The following RIT1 variants were observed in gnomAD, a reference collection of about 807,000 sequenced individuals.
RIT1 encodes Ras like without CAAX 1, also known as GTP-binding protein Rit1.
A neutral mutation model predicts 25.6 loss-of-function variants in RIT1; 6 were observed. That is an observed-to-expected ratio of 0.23 (90% CI 0.13 to 0.46). The LOEUF (loss-of-function observed/expected upper bound fraction) is 0.46, where lower values mean the gene tolerates loss of function less well. Ranked by LOEUF, RIT1 falls within the 20% of genes least tolerant of loss-of-function variation. RIT1 has a pLI of 0.99. For missense variants in RIT1, 219 were observed against 284.4 expected, an observed-to-expected ratio of 0.77 and a Z score of 1.65; for synonymous variants, 81 against 94.1, an observed-to-expected ratio of 0.86 and a Z score of 0.80.
chr1:155,898,518 A>AAAAATATATATATAT lies in RIT1; in HGVS notation c.*1869_*1870insATATATATATATTTT, dbSNP rs1557956996. The AAAAATATATATATAT allele has an allele frequency of 2.5e-5, 1 of 40,756 alleles. No individual in the cohort carries two copies. The highest frequency in any genetic ancestry group is 7.6e-5 in the African/African-American group (1 of 13,100). The allele number at this position is 40,756 out of a possible 1,614,324, so 2.5% of individuals were successfully genotyped here. A position where few individuals can be genotyped will look rare whatever the true frequency, so the allele number is the denominator to read the frequency against. On this transcript the variant is annotated 3_prime_UTR_variant, in exon 6 of 6. Coordinates refer to ENST00000368323, the MANE Select transcript of RIT1 (RefSeq NM_006912.6). ...AAAAAAAAAAAAAAAAAAAAAAAAA[A>AAAAATATATATATAT]ATATATATATATATATATATATATA...
chr1:155,904,939 T>A (rs972828278), intron 3 of RIT1, 135 bp from the exon 4 acceptor site: 1 of 624,284 alleles, frequency 1.6e-6, no homozygotes, highest in Non-Finnish European at 2.9e-6. Context: ...GCATGCTAAA[T>A]CCACTGAGAT....
intron 3 of RIT1, among the ~76,000 whole-genome samples, chr1:155,905,882 C>G (rs1446450416): frequency 6.6e-6 from 1 of 151,508 alleles, no homozygotes; most frequent in Admixed American, 6.6e-5. Flanking sequence ...GACTGGAGTG[C>G]AGTGGCATGA....
intron 3 of RIT1, among the ~76,000 whole-genome samples, chr1:155,905,423 C>T (rs1476661334): frequency 6.6e-6 from 1 of 151,918 alleles, no homozygotes; most frequent in Non-Finnish European, 1.5e-5. Flanking sequence ...TAGTCTCGAA[C>T]TCCTGGGTTG....
At chr1:155,901,380 GCCTGTAATC>G (rs1673308765) in intron 5 of RIT1, among the ~76,000 whole-genome samples, 2 of 152,068 alleles carry the variant, frequency 1.3e-5, no homozygotes, top group South Asian at 4.2e-4. Context: ...GGTGGCTCAC[GCCTGTAATC>G]CCAACACTTT....
In RIT1 at chr1:155,910,796, A is replaced by C; in HGVS notation, c.-35T>G. The C allele has an allele frequency of 6.2e-7, 1 of 1,613,636 alleles. No homozygotes were observed. Among genetic ancestry groups the C allele is most frequent in the South Asian group, 1.1e-5 (1 of 91,064 alleles). On this transcript the variant is annotated 5_prime_UTR_variant, in exon 2 of 6. Coordinates refer to ENST00000368323, the MANE Select transcript of RIT1 (RefSeq NM_006912.6). ...GGGGCCTTCCTCGGTTGCCCCGAGG[A>C]AAAGCCACCTAGAAAAGGAGGAGGA...
At chr1:155,910,244 G>T (rs1571999106) in intron 3 of RIT1, 1 of 570,052 alleles carries the variant, frequency 1.8e-6, no homozygotes, top group East Asian at 2.9e-5. Flanking sequence ...TTCAGTAAGA[G>T]ACAAAGACTA....
chr1:155,905,520 A>G (rs1411115747), intron 3 of RIT1, among the ~76,000 whole-genome samples: 5 of 149,886 alleles, frequency 3.3e-5, no homozygotes, highest in Non-Finnish European at 7.4e-5. Flanking sequence ...CTCTTAGGGG[A>G]AAAAAAAAAT....
Position 155,900,084 on chromosome 1 carries a change from A to T in RIT1, c.*304T>A, listed in dbSNP as rs1249409049. On this transcript the variant is annotated 3_prime_UTR_variant, in exon 6 of 6. Coordinates refer to ENST00000368323, the MANE Select transcript of RIT1 (RefSeq NM_006912.6). ...TTCCCTTGTGAACTTAGTCAAACACACATGGTATACATATTCTCCTGGGTA... is the reference window on the plus strand; with the variant it reads ...TTCCCTTGTGAACTTAGTCAAACACTCATGGTATACATATTCTCCTGGGTA... 1 of 348,904 alleles carries T rather than the reference A, an allele frequency of 2.9e-6. No individual in the cohort carries two copies. Among genetic ancestry groups the T allele is most frequent in the Non-Finnish European group, 5.3e-6 (1 of 190,202 alleles). 21.6% of individuals were successfully genotyped at this position (348,904 alleles called of 1,614,324 possible).
At chr1:155,909,921 C>CAAAAAAA (rs375935351) in intron 3 of RIT1, among the ~76,000 whole-genome samples, 2 of 108,616 alleles carry the variant, frequency 1.8e-5, no homozygotes, top group Non-Finnish European at 3.6e-5. Context: ...GACTCCATCT[C>CAAAAAAA]AAAAAAAAAA....
rs1223157905 is a variant in RIT1 at position 155,897,824 on chromosome 1, T to C, written c.*2564A>G. 6.6e-6 allele frequency: 1 copy of C among 152,340 alleles called. No individual in the cohort carries two copies. Among genetic ancestry groups the C allele is most frequent in the Non-Finnish European group, 1.5e-5 (1 of 68,028 alleles). 9.4% of individuals were successfully genotyped at this position (152,340 alleles called of 1,614,324 possible). A position where few individuals can be genotyped will look rare whatever the true frequency, so the allele number is the denominator to read the frequency against. On this transcript the variant is annotated 3_prime_UTR_variant, in exon 6 of 6. Coordinates refer to ENST00000368323, the MANE Select transcript of RIT1 (RefSeq NM_006912.6). ...AAGCCCAAGTTGTTTAAAAGTTTTG[T>C]ATTATGTCATACAAACTGTCTTCAC... is the stretch of plus-strand genomic sequence containing the variant.
At chr1:155,903,258 T>C (rs1673352600) in intron 5 of RIT1, among the ~76,000 whole-genome samples, 1 of 151,242 alleles carries the variant, frequency 6.6e-6, no homozygotes, top group African/African-American at 2.4e-5. Context: ...ATCGTGCCAC[T>C]GCACGCCAGC....
chr1:155,910,379 A>T, intron 3 of RIT1, 71 bp downstream of exon 3: 1 of 1,300,470 alleles, frequency 7.7e-7, no homozygotes, highest in South Asian at 1.2e-5. Flanking sequence ...ATAAATAGTT[A>T]GAAACTACTG....
chr1:155,905,788 C>T (rs1673424868), intron 3 of RIT1, among the ~76,000 whole-genome samples: 1 of 151,878 alleles, frequency 6.6e-6, no homozygotes, highest in South Asian at 2.1e-4. Flanking sequence ...TGTTATACTT[C>T]CTCCTCAATA....
intron 5 of RIT1, among the ~76,000 whole-genome samples, chr1:155,901,772 T>C (rs1379631338): frequency 6.6e-6 from 1 of 151,802 alleles, no homozygotes; most frequent in African/African-American, 2.4e-5. Flanking sequence ...AAGCCATGTT[T>C]GCGCCACTGC....
chr1:155,910,256 A>T (rs932693431), intron 3 of RIT1, 194 bp downstream of exon 3: 5 of 585,836 alleles, frequency 8.5e-6, no homozygotes, highest in Non-Finnish European at 1.5e-5. Flanking sequence ...CAAAGACTAA[A>T]GATGGCTTAT....
rs1216911809 is a variant in RIT1 at position 155,907,974 on chromosome 1, C to T, written c.163+2476G>A. Among the ~76,000 whole-genome samples, 4 of 151,570 alleles carry T rather than the reference C, an allele frequency of 2.6e-5. No homozygotes were observed. In the East Asian group the frequency reaches 7.8e-4, roughly 29 times the overall value. On this transcript the variant is annotated intron_variant, in intron 3 of 5. Transcript: ENST00000368323. Reference sequence around the variant, plus strand: ...GCGAGGTGGCGGGTGCCTGTAGTCCCAGCTACGCTGGAGCCTGAGGCAGGA... The same window carrying T: ...GCGAGGTGGCGGGTGCCTGTAGTCCTAGCTACGCTGGAGCCTGAGGCAGGA...
chr1:155,910,625 T>C (rs1673575373), intron 2 of RIT1, 31 bp downstream of exon 2: 4 of 1,611,676 alleles, frequency 2.5e-6, no homozygotes, highest in Non-Finnish European at 3.4e-6. Context: ...TTTTCATCCA[T>C]GCTTCCTGTC....
chr1:155,899,375 G>C lies in RIT1; in HGVS notation c.*1013C>G, dbSNP rs1673260021. ...TGAGTCTAGTGATTGTCCACGTCAAGGAGGCACACACACAATTTTACCCAC... is the reference window on the plus strand; with the variant it reads ...TGAGTCTAGTGATTGTCCACGTCAACGAGGCACACACACAATTTTACCCAC... On this transcript the variant is annotated 3_prime_UTR_variant, in exon 6 of 6. Transcript: ENST00000368323. 4.4e-6 allele frequency: 1 copy of C among 226,150 alleles called. No individual in the cohort carries two copies. Among genetic ancestry groups the C allele is most frequent in the Admixed American group, 5.7e-5 (1 of 17,518 alleles). 14.0% of individuals were successfully genotyped at this position (226,150 alleles called of 1,614,324 possible). A position where few individuals can be genotyped will look rare whatever the true frequency, so the allele number is the denominator to read the frequency against.
At chr1:155,904,190 C>A (rs1673380858) in intron 5 of RIT1, 121 bp downstream of exon 5, 2 of 746,984 alleles carry the variant, frequency 2.7e-6, no homozygotes, top group Non-Finnish European at 4.3e-6. Flanking sequence ...CCACCTCACC[C>A]AGCCTGATTT....
Sources: gnomAD v4.1 joint callset for allele counts (sites outside exome capture counted in the v4.1 genomes callset) on GRCh38, gnomAD v4.1.1 for gene constraint, MANE v1.5 for transcripts, NCBI Gene and HGNC (gene_info 2026-07-23, HGNC 2026-07-21) for gene names.